ANK3: variants seen among roughly 807,000 people sequenced by gnomAD.
ANK3 encodes the protein ankyrin-3.
Under a neutral mutation model 370.9 loss-of-function variants are expected in ANK3, and 57 were observed. The ratio of observed to expected loss-of-function variants is 0.15; its 90% CI spans 0.12 to 0.19. The LOEUF (loss-of-function observed/expected upper bound fraction) is 0.19, where lower values mean the gene tolerates loss of function less well. ANK3 is among the 10% of genes least tolerant of loss of function. The pLI is 1.00. For synonymous variants in ANK3, 1,929 were observed against 1,946.3 expected (o/e 0.99, Z 0.23); for missense variants, 4,439 against 5,302.1 (o/e 0.84, Z 5.06).
intron 2 of ANK3, among the ~76,000 whole-genome samples, chr10:60,451,414 A>G (rs756402682): frequency 1.3e-5 from 2 of 152,156 alleles, no homozygotes; most frequent in East Asian, 3.9e-4. Context: ...TTGGCCTAGA[A>G]TTTGGTGAGG....
intron 13 of ANK3, 71 bp downstream of exon 13, chr10:60,200,058 A>C (rs1181113577): frequency 8.4e-7 from 1 of 1,188,512 alleles, no homozygotes; most frequent in East Asian, 2.4e-5. Context: ...CTGCATGTAT[A>C]TACTTAAAAG....
chr10:60,730,669 T>A lies in ANK3; in HGVS notation c.57+2594A>T, dbSNP rs536443449. Among the ~76,000 whole-genome samples the A allele has an allele frequency of 3.2e-4, 48 of 152,298 alleles. 1 individual carries two copies. The South Asian group carries it at 9.7e-3, about 31-fold the overall frequency. On this transcript the variant is annotated intron_variant, in intron 1 of 43. Coordinates refer to the ANK3 transcript ENST00000373827. ...CCCTATTGTTCCAAGTACCTTAACA[T>A]TAACCCAGCATCTGACTGGCATTCA... is the stretch of plus-strand genomic sequence containing the variant.
intron 23 of ANK3, chr10:60,140,630 G>A (rs990343490): frequency 1.4e-6 from 2 of 1,397,616 alleles, no homozygotes; most frequent in African/African-American, 1.5e-5. Flanking sequence ...CCACTTAATT[G>A]AGGTTAAGAT....
At position 60,076,346 on chromosome 10, in the gene ANK3, G is replaced by A; in HGVS notation, c.4535C>T (p.Thr1512Ile). 1 of 1,614,082 alleles carries A rather than the reference G, an allele frequency of 6.2e-7. No individual in the cohort carries two copies. The highest frequency in any genetic ancestry group is 8.5e-7 in the Non-Finnish European group (1 of 1,179,968). Residue 1512 changes from threonine to isoleucine, a missense_variant, in exon 37 of 44, where the codon ACA (threonine) becomes ATA (isoleucine). Transcript: ENST00000280772. ...PYQSWTTAPI[T>I]VPGPAKSGFT... The stretch of plus-strand genomic sequence containing the variant: ...GCCTGACTTGGCTGGCCCAGGCACT[G>A]TAATCGGAGCTGTTGTCCAGGACTG...
rs1265068590 is a variant in ANK3, at chr10:60,070,229, T to C, written c.10652A>G (p.Asp3551Gly). The C allele has an allele frequency of 1.2e-6, 2 of 1,614,084 alleles. No individual in the cohort carries two copies. Among genetic ancestry groups the C allele is most frequent in the South Asian group, 1.1e-5 (1 of 91,072 alleles). ...DFDPWSNNRG[D>G]DEVFDSKSRE... The stretch of plus-strand genomic sequence containing the variant: ...TGATTTACTGTCAAAAACTTCATCA[T>C]CCCCTCGGTTATTAGACCAAGGGTC... The change falls in exon 37 of 44, where the codon GAT (aspartate) becomes GGT (glycine). Residue 3551 changes from aspartate (D) to glycine (G), a missense_variant. Coordinates refer to ENST00000280772, the MANE Select transcript of ANK3 (RefSeq NM_020987.5). The surrounding 1 kb of genome is among the most constrained non-coding windows in gnomAD (Gnocchi z 5.7).
At chr10:60,599,747 C>T (rs371194698) in intron 2 of ANK3, among the ~76,000 whole-genome samples, 2 of 152,128 alleles carry the variant, frequency 1.3e-5, no homozygotes, top group Non-Finnish European at 2.9e-5. Flanking sequence ...AAAACACTCA[C>T]GTTTTTTAAA....
At position 60,082,567 on chromosome 10, in the gene ANK3, C is replaced by T. The variant is rs1303764291; in HGVS notation, c.4323+48G>A. On this transcript the variant is annotated intron_variant, in intron 34 of 43. Coordinates refer to ENST00000280772, the MANE Select transcript of ANK3 (RefSeq NM_020987.5). The stretch of plus-strand genomic sequence containing the variant: ...TCCTTAATTGCATACCAAAGGCCCA[C>T]TTCTTCAAGACCAGGGAAAGACAAT... The T allele has an allele frequency of 3.8e-6, 6 of 1,595,318 alleles. No homozygotes were observed. The East Asian group carries it at 1.3e-4, about 36-fold the overall frequency.
At chr10:60,394,389 C>A (rs1039774673), upstream of ANK3, among the ~76,000 whole-genome samples, 8 of 151,944 alleles carry the variant, frequency 5.3e-5, no homozygotes, top group Middle Eastern at 3.4e-3. Flanking sequence ...ATTCATACAC[C>A]CCTTGTAGGG....
chr10:60,248,950 G>C (rs6479706), intron 7 of ANK3, among the ~76,000 whole-genome samples: 1 of 152,082 alleles, frequency 6.6e-6, no homozygotes, highest in Non-Finnish European at 1.5e-5. Context: ...ACAATTTCCA[G>C]CCAAAAGGAA....
In ANK3 at chr10:60,208,248, G is replaced by A. The variant is rs1053539661; in HGVS notation, c.997-15C>T. ...GATAATCCATTCTGGAACACATAAAGAAATCAGAGTTCATTCTTTTACCTT... is the reference window on the plus strand; with the variant it reads ...GATAATCCATTCTGGAACACATAAAAAAATCAGAGTTCATTCTTTTACCTT... On this transcript the variant is annotated splice_polypyrimidine_tract_variant and intron_variant, in intron 9 of 43. Coordinates refer to ENST00000280772, the MANE Select transcript of ANK3 (RefSeq NM_020987.5). The A allele has an allele frequency of 1.2e-6, 2 of 1,611,574 alleles. No individual in the cohort carries two copies. Among genetic ancestry groups the A allele is most frequent in the Non-Finnish European group, 1.7e-6 (2 of 1,177,862 alleles).
intron 1 of ANK3, among the ~76,000 whole-genome samples, chr10:60,320,378 G>A (rs777747531): frequency 6.6e-6 from 1 of 152,180 alleles, no homozygotes; most frequent in Non-Finnish European, 1.5e-5. Context: ...TGAATCACTT[G>A]AGGCCAGGAG....
intron 23 of ANK3, among the ~76,000 whole-genome samples, chr10:60,146,361 A>G (rs1353273780): frequency 6.6e-6 from 1 of 152,218 alleles, no homozygotes; most frequent in Non-Finnish European, 1.5e-5. Context: ...GGAAAACTGC[A>G]TGTCACAGGG....
At chr10:60,678,952 G>T (rs1163825250) in intron 1 of ANK3, among the ~76,000 whole-genome samples, 2 of 152,200 alleles carry the variant, frequency 1.3e-5, no homozygotes, top group Admixed American at 6.5e-5. Flanking sequence ...CAGAAAACAG[G>T]TTGAACTGAA....
chr10:60,528,977 A>G (rs1046320071), intron 2 of ANK3, among the ~76,000 whole-genome samples: 1 of 152,126 alleles, frequency 6.6e-6, no homozygotes, highest in Non-Finnish European at 1.5e-5. Context: ...TACTAACCCA[A>G]TATGGACATT....
At chr10:60,657,467 C>A (rs1455608347) in intron 1 of ANK3, among the ~76,000 whole-genome samples, 1 of 152,136 alleles carries the variant, frequency 6.6e-6, no homozygotes. Context: ...TTTTTGATTT[C>A]TTCTTTGACC....
chr10:60,509,858 T>C (rs1379647988), intron 2 of ANK3, among the ~76,000 whole-genome samples: 2 of 152,138 alleles, frequency 1.3e-5, no homozygotes, highest in African/African-American at 4.8e-5. Context: ...GGATTGTTCA[T>C]AGGACTGATA....
intron 2 of ANK3, among the ~76,000 whole-genome samples, chr10:60,440,164 A>C (rs753242047): frequency 6.6e-6 from 1 of 152,108 alleles, no homozygotes; most frequent in Non-Finnish European, 1.5e-5. Context: ...CAGCTTAAAT[A>C]ATGTTCACCT....
At chr10:60,241,391 A>T (rs2097455915) in intron 7 of ANK3, among the ~76,000 whole-genome samples, 1 of 152,146 alleles carries the variant, frequency 6.6e-6, no homozygotes, top group South Asian at 2.1e-4. Flanking sequence ...TACCAAATAA[A>T]TTTTTTCCTG....
intron 2 of ANK3, among the ~76,000 whole-genome samples, chr10:60,602,718 C>T (rs569304220): frequency 1.6e-4 from 24 of 152,014 alleles, no homozygotes; most frequent in South Asian, 4.2e-4. Flanking sequence ...ATTATAAATA[C>T]GGGCATGATA....
Sources: gnomAD v4.1 joint callset for allele counts (sites outside exome capture counted in the v4.1 genomes callset) on GRCh38, gnomAD v4.1.1 for gene constraint, Gnocchi (gnomAD v3.1) non-coding constraint, MANE v1.5 for transcripts, NCBI Gene and HGNC (gene_info 2026-07-23, HGNC 2026-07-21) for gene names.